Variants in RAB27A observed in about 807,000 individuals in gnomAD.
RAB27A encodes ras-related protein Rab-27A.
In RAB27A, 17 loss-of-function variants were observed where a neutral mutation model predicts 20.8. That is an observed-to-expected ratio of 0.82 (90% CI 0.56 to 1.23). RAB27A has a LOEUF of 1.23. Ranked by LOEUF, RAB27A falls within the 50% of genes most tolerant of loss-of-function variation. The probability of loss-of-function intolerance (pLI) is 0.00; values close to 1 mark genes in which losing one functional copy is unlikely to be tolerated. For synonymous variants in RAB27A, 85 were observed against 92.8 expected (o/e 0.92, Z 0.48); for missense variants, 277 against 266.7 (o/e 1.04, Z -0.27).
intron 1 of RAB27A, among the ~76,000 whole-genome samples, chr15:55,283,275 G>C (rs145083973): frequency 6.6e-6 from 1 of 152,166 alleles, no homozygotes; most frequent in Non-Finnish European, 1.5e-5. Flanking sequence ...TGTCCCATGT[G>C]GGGTGGGGCA....
At chr15:55,225,549 T>C (rs1248770513) in intron 5 of RAB27A, among the ~76,000 whole-genome samples, 2 of 152,162 alleles carry the variant, frequency 1.3e-5, no homozygotes, top group African/African-American at 4.8e-5. Flanking sequence ...GAAATCTGTG[T>C]TTTAAAAAGT....
intron 2 of RAB27A, among the ~76,000 whole-genome samples, chr15:55,240,216 T>C (rs1409913462): frequency 4.6e-5 from 7 of 152,188 alleles, no homozygotes; most frequent in African/African-American, 1.7e-4. Flanking sequence ...GATTTTTGTG[T>C]TGGCATTTCA....
intron 2 of RAB27A, among the ~76,000 whole-genome samples, chr15:55,297,272 A>T (rs1035650717): frequency 6.6e-6 from 1 of 152,260 alleles, no homozygotes; most frequent in African/African-American, 2.4e-5. Context: ...TGTCAAAGAA[A>T]TACGTGCATG....
intron 1 of RAB27A, among the ~76,000 whole-genome samples, chr15:55,316,761 C>G (rs571974150): frequency 4.6e-5 from 7 of 152,254 alleles, no homozygotes; most frequent in East Asian, 1.9e-4. Context: ...TAAAAAACAT[C>G]TGTGTCATAT....
At chr15:55,218,238 GAAC>G (rs59840604) in intron 6 of RAB27A, among the ~76,000 whole-genome samples, 2,461 of 152,266 alleles carry the variant, frequency 0.016, 74 homozygotes, top group African/African-American at 0.055. Context: ...GATGCTAATT[GAAC>G]AACATTTCCA....
intron 2 of RAB27A, among the ~76,000 whole-genome samples, chr15:55,297,390 T>G (rs188111725): frequency 1.3e-5 from 2 of 152,374 alleles, no homozygotes; most frequent in Admixed American, 6.5e-5. Context: ...CATGCAAGCA[T>G]GAGCTCCTCT....
chr15:55,237,423 C>T (rs1020090412), intron 2 of RAB27A: 4 of 152,040 alleles, frequency 2.6e-5, no homozygotes, highest in Non-Finnish European at 5.9e-5. Context: ...ATGGCTAGCC[C>T]GTGGATAAGG....
intron 1 of RAB27A, among the ~76,000 whole-genome samples, chr15:55,280,689 G>C (rs1897994002): frequency 6.6e-6 from 1 of 151,560 alleles, no homozygotes; most frequent in African/African-American, 2.4e-5. Context: ...CCCGGTGTGT[G>C]ATGTTCCCCT....
chr15:55,258,470 G>A (rs1367843680), intron 2 of RAB27A, among the ~76,000 whole-genome samples: 1 of 152,178 alleles, frequency 6.6e-6, no homozygotes, highest in African/African-American at 2.4e-5. Flanking sequence ...GCCACCCTGA[G>A]GGACAAAGGG....
chr15:55,281,316 T>C (rs1363979354), intron 1 of RAB27A, among the ~76,000 whole-genome samples: 2 of 152,240 alleles, frequency 1.3e-5, no homozygotes, highest in Non-Finnish European at 1.5e-5. Context: ...CTGGCTATTC[T>C]TCCGAAAGGA....
intron 1 of RAB27A, among the ~76,000 whole-genome samples, chr15:55,279,652 A>G (rs1158393387): frequency 6.6e-6 from 1 of 152,218 alleles, no homozygotes; most frequent in Non-Finnish European, 1.5e-5. Flanking sequence ...AATCAAATGA[A>G]ATAAGTAATA....
intron 1 of RAB27A, among the ~76,000 whole-genome samples, chr15:55,286,258 T>A (rs964235726): frequency 6.6e-6 from 1 of 152,186 alleles, no homozygotes; most frequent in Admixed American, 6.5e-5. Flanking sequence ...TCAACACATA[T>A]CTCTTTGAGT....
chr15:55,212,721 G>A (rs1017199924), intron 6 of RAB27A, among the ~76,000 whole-genome samples: 1 of 151,958 alleles, frequency 6.6e-6, no homozygotes, highest in Non-Finnish European at 1.5e-5. Flanking sequence ...AGTACAGACG[G>A]TGTTTCACCA....
intron 1 of RAB27A, among the ~76,000 whole-genome samples, chr15:55,315,618 G>C (rs1595758754): frequency 6.6e-6 from 1 of 152,130 alleles, no homozygotes; most frequent in African/African-American, 2.4e-5. Context: ...CTTCTCAAAA[G>C]AAGACATTTA....
chr15:55,212,184 A>G (rs2140919897), intron 6 of RAB27A, among the ~76,000 whole-genome samples: 1 of 152,306 alleles, frequency 6.6e-6, no homozygotes, highest in East Asian at 1.9e-4. Flanking sequence ...CAGGTACACA[A>G]TATTCCCATT....
chr15:55,316,540 A>G (rs1396890504), intron 1 of RAB27A, among the ~76,000 whole-genome samples: 1 of 151,940 alleles, frequency 6.6e-6, no homozygotes, highest in Non-Finnish European at 1.5e-5. Context: ...GCACATGTAT[A>G]TCTATGTTAC....
intron 2 of RAB27A, among the ~76,000 whole-genome samples, chr15:55,300,835 C>A (rs1306280184): frequency 6.7e-6 from 1 of 148,772 alleles, no homozygotes; most frequent in Non-Finnish European, 1.5e-5. Context: ...GTTTACTGAT[C>A]TAAGTCATTT....
chr15:55,259,431 TGAGTCGCCAC>T (rs1897198324), intron 2 of RAB27A, among the ~76,000 whole-genome samples: 1 of 151,324 alleles, frequency 6.6e-6, no homozygotes, highest in Non-Finnish European at 1.5e-5. Context: ...ACTACAAGCA[TGAGTCGCCAC>T]GCCCAGCTAA....
chr15:55,297,302 G>A (rs1020480844), intron 2 of RAB27A, among the ~76,000 whole-genome samples: 3 of 152,244 alleles, frequency 2.0e-5, no homozygotes, highest in African/African-American at 4.8e-5. Context: ...CATGCAAGCC[G>A]TGCAAAGCAT....
Sources: gnomAD v4.1 joint callset for allele counts (sites outside exome capture counted in the v4.1 genomes callset) on GRCh38, gnomAD v4.1.1 for gene constraint, MANE v1.5 for transcripts, NCBI Gene and HGNC (gene_info 2026-07-23, HGNC 2026-07-21) for gene names.